Variants in TAF1B observed in about 807,000 individuals in gnomAD.
The protein encoded by TAF1B is TATA-box binding protein associated factor, RNA polymerase I subunit B.
In TAF1B, 61 loss-of-function variants were observed where a neutral mutation model predicts 83.9. The ratio of observed to expected loss-of-function variants is 0.73; its 90% CI spans 0.59 to 0.90. The LOEUF (loss-of-function observed/expected upper bound fraction) is 0.90, where lower values mean the gene tolerates loss of function less well. TAF1B is among the 40% of genes least tolerant of loss of function. TAF1B has a pLI of 0.00. For synonymous variants in TAF1B, 221 were observed against 224.6 expected (o/e 0.98, Z 0.14); for missense variants, 625 against 677.0 (o/e 0.92, Z 0.85).
At chr2:9,863,256 A>G (rs1478328909) in intron 5 of TAF1B, among the ~76,000 whole-genome samples, 2 of 152,228 alleles carry the variant, frequency 1.3e-5, no homozygotes, top group African/African-American at 2.4e-5. Context: ...AGGAAGATCT[A>G]CCAAGCAAAT....
intron 7 of TAF1B, among the ~76,000 whole-genome samples, chr2:9,878,401 T>C (rs1039335209): frequency 6.6e-6 from 1 of 152,094 alleles, no homozygotes; most frequent in Non-Finnish European, 1.5e-5. Context: ...AGGATTCTTA[T>C]GGATGGCAAA....
intron 14 of TAF1B, among the ~76,000 whole-genome samples, chr2:9,926,001 G>A (rs1376192312): frequency 6.6e-6 from 1 of 152,006 alleles, no homozygotes. Context: ...TTTTAAAGTT[G>A]ATAATGGGAA....
At chr2:9,854,899 G>T (rs1033820197) in intron 5 of TAF1B, among the ~76,000 whole-genome samples, 2 of 152,092 alleles carry the variant, frequency 1.3e-5, no homozygotes, top group Non-Finnish European at 2.9e-5. Context: ...CAGTTTCTTT[G>T]TAACTGCTTT....
At chr2:9,855,209 G>C (rs1317247643) in intron 5 of TAF1B, among the ~76,000 whole-genome samples, 4 of 152,178 alleles carry the variant, frequency 2.6e-5, no homozygotes, top group Non-Finnish European at 5.9e-5. Flanking sequence ...TAGCCAGGCT[G>C]ATCTTGAGCT....
intron 2 of TAF1B, 119 bp from the exon 3 acceptor site, chr2:9,849,254 A>G: frequency 1.5e-6 from 1 of 652,106 alleles, no homozygotes. Context: ...CCAAGATTTT[A>G]CCATCCTTGG....
chr2:9,845,375 C>T lies in TAF1B; in HGVS notation c.117+57C>T, dbSNP rs1035797320. The T allele has an allele frequency of 5.0e-6, 7 of 1,407,752 alleles. No homozygotes were observed. The African/African-American group carries it at 8.5e-5, about 17-fold the overall frequency. The allele number at this position is 1,407,752 out of a possible 1,614,324, so 87.2% of individuals were successfully genotyped here. A position where few individuals can be genotyped will look rare whatever the true frequency, so the allele number is the denominator to read the frequency against. ...TATGTTTTAAAAATTGCCATTTCAG[C>T]CTGATATGTAGTCTAAGTCCCAAAG... On this transcript the variant is annotated intron_variant, in intron 2 of 14. Coordinates refer to ENST00000263663, the MANE Select transcript of TAF1B (RefSeq NM_005680.3).
At chr2:9,881,755 A>G (rs1006188947) in intron 7 of TAF1B, among the ~76,000 whole-genome samples, 4 of 152,222 alleles carry the variant, frequency 2.6e-5, no homozygotes, top group African/African-American at 9.6e-5. Context: ...CTAAATAAAT[A>G]TATTTGTCTA....
intron 14 of TAF1B, 91 bp downstream of exon 14, chr2:9,919,911 G>A (rs1665818788): frequency 8.0e-7 from 1 of 1,251,520 alleles, no homozygotes; most frequent in African/African-American, 1.5e-5. Context: ...AGAAGCTGGT[G>A]AGCTTAAAGT....
chr2:9,882,883 C>G, intron 8 of TAF1B, 78 bp downstream of exon 8: 1 of 1,079,928 alleles, frequency 9.3e-7, no homozygotes, highest in East Asian at 2.5e-5. Context: ...TCTTGCTTGA[C>G]TTATTATTTG....
chr2:9,897,118 C>A (rs973158352), intron 8 of TAF1B, among the ~76,000 whole-genome samples: 1 of 152,170 alleles, frequency 6.6e-6, no homozygotes, highest in Non-Finnish European at 1.5e-5. Context: ...TTTCAGTTTA[C>A]CTGGTAGAAT....
intron 5 of TAF1B, among the ~76,000 whole-genome samples, chr2:9,866,722 G>T (rs1380593584): frequency 6.6e-6 from 1 of 152,180 alleles, no homozygotes; most frequent in Non-Finnish European, 1.5e-5. Flanking sequence ...TTAAGAAAAT[G>T]TGGCACATAC....
At chr2:9,843,702 C>A in intron 1 of TAF1B, 143 bp downstream of exon 1, 3 of 970,476 alleles carry the variant, frequency 3.1e-6, no homozygotes, top group Non-Finnish European at 4.4e-6. Flanking sequence ...GCAGGGCGGG[C>A]TAAGGACTGG....
rs2125146240 is a variant in TAF1B, at chr2:9,868,281, A to G, written c.405A>G (p.Leu135=). 9.3e-6 allele frequency: 15 copies of G among 1,614,046 alleles called. No individual in the cohort carries two copies. The highest frequency in any genetic ancestry group is 1.3e-5 in the Non-Finnish European group (15 of 1,179,962). The stretch of plus-strand genomic sequence containing the variant: ...TTATATTGTTTTGCAAACAGGTATT[A>G]GAAGATAATCTAAGTCATTCAGACT... ...VYTTGRKPTV[L]EDNLSHSDWA... Residue 135 remains leucine, a synonymous_variant, in exon 6 of 15, where the codon TTA becomes TTG. Coordinates refer to ENST00000263663, the MANE Select transcript of TAF1B (RefSeq NM_005680.3).
chr2:9,917,787 AG>A (rs1467434475), intron 12 of TAF1B, among the ~76,000 whole-genome samples: 12 of 152,216 alleles, frequency 7.9e-5, no homozygotes, highest in African/African-American at 2.9e-4. Context: ...AAAATGGTGG[AG>A]CCGGCCGGGC....
At chr2:9,886,612 C>A (rs366852) in intron 8 of TAF1B, among the ~76,000 whole-genome samples, 142,082 of 152,222 alleles carry the variant, frequency 0.93, 67,097 homozygotes, top group East Asian at 1. Context: ...TCAAAAATTT[C>A]TTCTATGTGT....
At chr2:9,929,259 C>T (rs1053828189) in intron 14 of TAF1B, among the ~76,000 whole-genome samples, 5 of 152,144 alleles carry the variant, frequency 3.3e-5, no homozygotes, top group East Asian at 1.9e-4. Context: ...CCCGGGTTCA[C>T]GCCATTCTCC....
intron 8 of TAF1B, among the ~76,000 whole-genome samples, chr2:9,894,377 G>T (rs930570148): frequency 2.6e-5 from 4 of 151,990 alleles, no homozygotes; most frequent in African/African-American, 9.7e-5. Flanking sequence ...TTGGTTAAGA[G>T]AAATTTAAAG....
intron 4 of TAF1B, among the ~76,000 whole-genome samples, chr2:9,852,292 AATT>A (rs1277831423): frequency 6.6e-6 from 1 of 152,168 alleles, no homozygotes; most frequent in Non-Finnish European, 1.5e-5. Flanking sequence ...GTATTTCTGC[AATT>A]ATTTGAATTT....
At chr2:9,920,252 A>G (rs1665830129) in intron 14 of TAF1B, among the ~76,000 whole-genome samples, 1 of 152,110 alleles carries the variant, frequency 6.6e-6, no homozygotes, top group Non-Finnish European at 1.5e-5. Flanking sequence ...CTGATACGAT[A>G]CCTTTATCTC....
Sources: allele counts gnomAD v4.1 joint callset (sites outside exome capture counted in the v4.1 genomes callset), GRCh38; gene constraint gnomAD v4.1.1; transcripts MANE v1.5; gene names NCBI Gene and HGNC (gene_info 2026-07-23, HGNC 2026-07-21).